Variants in DENND4C observed in about 807,000 individuals in gnomAD.
The protein encoded by DENND4C is DENN domain-containing protein 4C.
Under a neutral mutation model 203.0 loss-of-function variants are expected in DENND4C, and 108 were observed. That is an observed-to-expected ratio of 0.53 (90% CI 0.46 to 0.62). The LOEUF is 0.62. DENND4C is among the 20% of genes least tolerant of loss of function. The pLI is 0.00. For missense variants in DENND4C, 2,481 were observed against 2,301.2 expected, an observed-to-expected ratio of 1.08 and a Z score of -1.60; for synonymous variants, 871 against 792.4, an observed-to-expected ratio of 1.10 and a Z score of -1.67.
chr9:19,336,057 A>C (rs1486150392), intron 18 of DENND4C, among the ~76,000 whole-genome samples: 3 of 151,970 alleles, frequency 2.0e-5, no homozygotes, highest in Non-Finnish European at 4.4e-5. Context: ...ATATTCTAAC[A>C]AGTATGAGGT....
chr9:19,327,666 A>C (rs947481952), intron 15 of DENND4C, among the ~76,000 whole-genome samples: 1 of 152,034 alleles, frequency 6.6e-6, no homozygotes, highest in Admixed American at 6.5e-5. Context: ...TACCTATGCA[A>C]GGTAATTTTA....
At chr9:19,295,950 A>G (rs890651627) in intron 5 of DENND4C, 58 bp from the exon 6 acceptor site, 9 of 1,278,306 alleles carry the variant, frequency 7.0e-6, no homozygotes, top group Non-Finnish European at 8.9e-6. Flanking sequence ...AGAAAAAAAG[A>G]GAAGTTAATT....
chr9:19,281,350 G>T (rs1409554965), intron 2 of DENND4C, among the ~76,000 whole-genome samples: 1 of 152,178 alleles, frequency 6.6e-6, no homozygotes, highest in East Asian at 1.9e-4. Flanking sequence ...AATTGTTAAT[G>T]TCTGGTGACT....
In DENND4C at chr9:19,358,697, T is replaced by C. The variant is rs762844960; in HGVS notation, c.5160+537T>C. Among the ~76,000 whole-genome samples, 8 of 152,006 alleles carry C rather than the reference T, an allele frequency of 5.3e-5. No individual in the cohort carries two copies. Among genetic ancestry groups the C allele is most frequent in the Admixed American group, 1.3e-4 (2 of 15,294 alleles). The stretch of plus-strand genomic sequence containing the variant: ...GTCAGTGTATTGCACTTGGTTGATA[T>C]AGTTTTTAGTCTTTTTGAATCTGTA... On this transcript the variant is annotated intron_variant, in intron 28 of 32. Coordinates refer to ENST00000434457, the MANE Select transcript of DENND4C (RefSeq NM_001330640.2). The surrounding 1 kb of genome is among the most constrained non-coding windows in gnomAD (Gnocchi z 4.8).
intron 1 of DENND4C, among the ~76,000 whole-genome samples, chr9:19,252,346 A>T (rs540218150): frequency 5.1e-4 from 78 of 152,242 alleles, no homozygotes; most frequent in African/African-American, 1.9e-3. Flanking sequence ...CTCCCATGAC[A>T]TGTGGGAATT....
At chr9:19,361,763 CTG>C (rs1346164379) in intron 29 of DENND4C, 81 bp from the exon 30 acceptor site, 22 of 738,620 alleles carry the variant, frequency 3.0e-5, no homozygotes, top group Non-Finnish European at 4.6e-5. Context: ...AAGGACTCAT[CTG>C]TTTTATATAA....
At chr9:19,243,977 A>G (rs1824438649) in intron 1 of DENND4C, among the ~76,000 whole-genome samples, 1 of 151,936 alleles carries the variant, frequency 6.6e-6, no homozygotes, top group Non-Finnish European at 1.5e-5. Flanking sequence ...CATCTGGGTA[A>G]TTTTTAAAAA....
At chr9:19,365,602 G>T (rs1827471116) in intron 30 of DENND4C, among the ~76,000 whole-genome samples, 1 of 151,150 alleles carries the variant, frequency 6.6e-6, no homozygotes. Context: ...ATCTATATTT[G>T]CAGATTATAT....
Position 19,336,297 on chromosome 9 carries a change from A to G in DENND4C, c.2617A>G (p.Ser873Gly), listed in dbSNP as rs765317859. 5 of 1,613,876 alleles carry G rather than the reference A, an allele frequency of 3.1e-6. No individual in the cohort carries two copies. Among genetic ancestry groups the G allele is most frequent in the Non-Finnish European group, 3.4e-6 (4 of 1,179,968 alleles). Residue 873 changes from serine (S) to glycine (G), a missense_variant, in exon 19 of 33, where the codon AGT (serine) becomes GGT (glycine). Physicochemically the swap from Ser to Gly is moderately conservative, Grantham distance 56. This residue lies in a region of DENND4C where 2,289 missense variants were observed against 2,113.3 expected (regional missense o/e 1.08). Coordinates refer to ENST00000434457, the MANE Select transcript of DENND4C (RefSeq NM_001330640.2). ...KVVLESPWPS[S>G]TRSGIFLWTK... ...AGTCTTGGAGAGCCCGTGGCCTAGC[A>G]GTACCCGCAGTGGTATTTTCTTATG... is the stretch of plus-strand genomic sequence containing the variant.
At chr9:19,262,076 CTTTTTTTTTTTTTT>C (rs60223074) in intron 1 of DENND4C, among the ~76,000 whole-genome samples, 3 of 55,446 alleles carry the variant, frequency 5.4e-5, no homozygotes, top group African/African-American at 1.2e-4. Context: ...TTTATTAGTT[CTTTTTTTTTTTTTT>C]TTTTTTTTTT....
intron 12 of DENND4C, among the ~76,000 whole-genome samples, chr9:19,318,933 C>T (rs1262237548): frequency 6.6e-6 from 1 of 152,040 alleles, no homozygotes; most frequent in South Asian, 2.1e-4. Flanking sequence ...CTTTGGGAGG[C>T]CAAGGCAGGC....
In DENND4C at chr9:19,299,209, A is replaced by G. The variant is rs757154895; in HGVS notation, c.1108-20A>G. Reference sequence around the variant, plus strand: ...TGGTTAATTTATCTTTGGTTAATTTATCTTTTTTTTTTTTTTAAGCTGTCA... The same window carrying G: ...TGGTTAATTTATCTTTGGTTAATTTGTCTTTTTTTTTTTTTTAAGCTGTCA... On this transcript the variant is annotated intron_variant, in intron 7 of 32. Coordinates refer to ENST00000434457, the MANE Select transcript of DENND4C (RefSeq NM_001330640.2). The G allele has an allele frequency of 4.9e-6, 7 of 1,442,830 alleles. No homozygotes were observed. In the South Asian group the frequency reaches 5.3e-5, roughly 11 times the overall value. The allele number at this position is 1,442,830 out of a possible 1,614,324, so 89.4% of individuals were successfully genotyped here.
Position 19,347,901 on chromosome 9 carries a change from T to C in DENND4C, c.4317+815T>C, listed in dbSNP as rs1399682903. Among the ~76,000 whole-genome samples, 29 of 152,222 alleles carry C rather than the reference T, an allele frequency of 1.9e-4. 1 individual carries two copies. Among genetic ancestry groups the C allele is most frequent in the Admixed American group, 1.8e-3 (28 of 15,280 alleles). On this transcript the variant is annotated intron_variant, in intron 23 of 32. Transcript: ENST00000434457. ...ATACCACATGGCAAAAATAATTGTC[T>C]TTAAAAAAACGTTATACATAGAGTT...
intron 29 of DENND4C, among the ~76,000 whole-genome samples, 157 bp downstream of exon 29, chr9:19,360,646 G>A (rs1826264865): frequency 6.6e-6 from 1 of 152,134 alleles, no homozygotes; most frequent in Non-Finnish European, 1.5e-5. Context: ...TAAAGTGTTA[G>A]GAACCTAAGA....
rs1224854913 is a variant in DENND4C at position 19,358,384 on chromosome 9, ATTC to A, written c.5160+230_5160+232del. ...GCTTCAGTTATTTTCAGTTTATGGC[ATTC>A]TTCTTTTATGTATATTCTCATTCAG... On this transcript the variant is annotated intron_variant, in intron 28 of 32. Transcript: ENST00000434457. This position sits in a 1 kb window ranked among gnomAD's most constrained non-coding sequence, Gnocchi z 4.8. Among the ~76,000 whole-genome samples, 1 of 152,152 alleles carries A rather than the reference ATTC, an allele frequency of 6.6e-6. No individual in the cohort carries two copies. Among genetic ancestry groups the A allele is most frequent in the East Asian group, 1.9e-4 (1 of 5,204 alleles).
intron 7 of DENND4C, 40 bp from the exon 8 acceptor site, chr9:19,299,189 A>C: frequency 6.8e-7 from 1 of 1,462,364 alleles, no homozygotes; most frequent in Non-Finnish European, 9.2e-7. Flanking sequence ...TGGTTTGGTT[A>C]ATTTATCTTT....
intron 24 of DENND4C, 86 bp from the exon 25 acceptor site, chr9:19,351,987 G>C: frequency 9.5e-7 from 1 of 1,049,708 alleles, no homozygotes; most frequent in East Asian, 2.4e-5. Context: ...ACTTTATTCT[G>C]TGTCCCCCCT....
intron 10 of DENND4C, among the ~76,000 whole-genome samples, chr9:19,314,670 G>A (rs967920426): frequency 5.9e-5 from 9 of 152,030 alleles, no homozygotes; most frequent in African/African-American, 1.9e-4. Context: ...CATGTGAACT[G>A]CACTGAGTGC....
chr9:19,265,425 T>C (rs2130732211), intron 1 of DENND4C, among the ~76,000 whole-genome samples: 1 of 133,198 alleles, frequency 7.5e-6, no homozygotes, highest in East Asian at 2.1e-4. Flanking sequence ...CTCTTGTTAC[T>C]GATTTCTTTT....
Sources: gnomAD v4.1 joint callset for allele counts (sites outside exome capture counted in the v4.1 genomes callset) on GRCh38, gnomAD v4.1.1 for gene constraint, gnomAD v4.1.1 regional missense constraint, Gnocchi (gnomAD v3.1) non-coding constraint, MANE v1.5 for transcripts, NCBI Gene and HGNC (gene_info 2026-07-23, HGNC 2026-07-21) for gene names.